Variants in CACNA2D3 observed in about 807,000 individuals in gnomAD.
CACNA2D3 encodes the protein voltage-dependent calcium channel subunit alpha-2/delta-3.
In CACNA2D3, 60 loss-of-function variants were observed where a neutral mutation model predicts 160.6. The ratio of observed to expected loss-of-function variants is 0.37; its 90% CI spans 0.30 to 0.46. CACNA2D3 has a LOEUF of 0.46. Among genes scored for constraint, CACNA2D3 ranks in the 20% least tolerant of loss-of-function variants. CACNA2D3 has a pLI of 1.00. For missense variants in CACNA2D3, 1,205 were observed against 1,365.0 expected, an observed-to-expected ratio of 0.88 and a Z score of 1.85; for synonymous variants, 558 against 492.9, an observed-to-expected ratio of 1.13 and a Z score of -1.75.
chr3:54,227,450 A>T (rs879503333), intron 2 of CACNA2D3, among the ~76,000 whole-genome samples: 4 of 152,068 alleles, frequency 2.6e-5, no homozygotes, highest in African/African-American at 9.7e-5. Flanking sequence ...AGTCTTTTAG[A>T]AGAGTAAAAT....
intron 9 of CACNA2D3, chr3:54,626,393 G>T (rs541291856): frequency 3.9e-5 from 62 of 1,571,174 alleles, no homozygotes; most frequent in Non-Finnish European, 5.3e-5. Context: ...AAGTGCCTGC[G>T]CAAGGCCAAG....
intron 31 of CACNA2D3, among the ~76,000 whole-genome samples, chr3:54,989,101 C>T (rs1427875897): frequency 6.6e-6 from 1 of 152,218 alleles, no homozygotes; most frequent in Non-Finnish European, 1.5e-5. Context: ...CTTTTCCTAT[C>T]TTTATGTGGA....
chr3:54,618,158 A>G (rs1322542236), intron 9 of CACNA2D3, among the ~76,000 whole-genome samples: 1 of 151,710 alleles, frequency 6.6e-6, no homozygotes, highest in Non-Finnish European at 1.5e-5. Context: ...GTCACTCTGC[A>G]TGGTATAAAT....
chr3:54,370,758 T>G (rs187699450), intron 3 of CACNA2D3, among the ~76,000 whole-genome samples: 90 of 150,818 alleles, frequency 6.0e-4, no homozygotes, highest in Middle Eastern at 3.4e-3. Flanking sequence ...ATTCAGTGGG[T>G]TTTTTTTTGT....
intron 16 of CACNA2D3, among the ~76,000 whole-genome samples, chr3:54,845,477 A>G (rs771169610): frequency 3.9e-5 from 6 of 152,216 alleles, no homozygotes; most frequent in Non-Finnish European, 8.8e-5. Context: ...TGCTCTGGCA[A>G]AACTGGGTTA....
chr3:54,643,211 A>T (rs1699562369), intron 11 of CACNA2D3, among the ~76,000 whole-genome samples: 1 of 152,186 alleles, frequency 6.6e-6, no homozygotes, highest in Admixed American at 6.5e-5. Flanking sequence ...AATTAAACAC[A>T]CTGGTAAAAA....
At chr3:54,644,842 A>G (rs930133015) in intron 11 of CACNA2D3, among the ~76,000 whole-genome samples, 3 of 152,202 alleles carry the variant, frequency 2.0e-5, no homozygotes, top group African/African-American at 7.2e-5. Context: ...AACTACTGCC[A>G]CAAGAAATAG....
intron 5 of CACNA2D3, among the ~76,000 whole-genome samples, chr3:54,506,163 T>G (rs1282152651): frequency 1.3e-5 from 2 of 151,950 alleles, no homozygotes; most frequent in Admixed American, 1.3e-4. Context: ...AAACAGCCCC[T>G]AACAGCCTTT....
intron 5 of CACNA2D3, among the ~76,000 whole-genome samples, chr3:54,550,814 T>G (rs1702144225): frequency 6.6e-6 from 1 of 152,170 alleles, no homozygotes. Context: ...GCTGGGACAG[T>G]GCAGAAGAGA....
At chr3:54,816,055 T>C (rs995137384) in intron 13 of CACNA2D3, among the ~76,000 whole-genome samples, 1 of 152,212 alleles carries the variant, frequency 6.6e-6, no homozygotes, top group Admixed American at 6.5e-5. Context: ...TTGATCTTTT[T>C]CCACATACCT....
At chr3:54,626,685 A>AG in intron 9 of CACNA2D3, 1 of 44,344 alleles carries the variant, frequency 2.3e-5, no homozygotes, top group East Asian at 5.4e-4. Context: ...GGTTCCAGTC[A>AG]AAAAAAAAAA....
intron 11 of CACNA2D3, among the ~76,000 whole-genome samples, chr3:54,687,995 A>G (rs761806838): frequency 1.1e-4 from 17 of 152,114 alleles, no homozygotes; most frequent in South Asian, 4.1e-4. Flanking sequence ...CTGTGAATCT[A>G]CTTGTCTTTG....
intron 17 of CACNA2D3, among the ~76,000 whole-genome samples, chr3:54,857,575 C>A (rs1227937846): frequency 2.0e-5 from 3 of 152,214 alleles, no homozygotes; most frequent in Non-Finnish European, 4.4e-5. Context: ...CATGCCTGCA[C>A]CCTGTTGGCT....
At chr3:54,743,461 A>G (rs1314210257) in intron 11 of CACNA2D3, among the ~76,000 whole-genome samples, 3 of 152,166 alleles carry the variant, frequency 2.0e-5, no homozygotes, top group Non-Finnish European at 4.4e-5. Flanking sequence ...CTTCCAGGGC[A>G]TCTTAGCTGT....
intron 11 of CACNA2D3, among the ~76,000 whole-genome samples, chr3:54,707,473 C>T (rs1042125108): frequency 5.9e-5 from 9 of 152,110 alleles, no homozygotes; most frequent in East Asian, 1.9e-4. Flanking sequence ...TCCCAGTACA[C>T]GAAAGGGATT....
chr3:54,698,391 G>C (rs758357719), intron 11 of CACNA2D3, among the ~76,000 whole-genome samples: 5 of 152,190 alleles, frequency 3.3e-5, no homozygotes, highest in Non-Finnish European at 5.9e-5. Flanking sequence ...GAGGGAAATG[G>C]AATACAGCTA....
intron 27 of CACNA2D3, among the ~76,000 whole-genome samples, chr3:54,936,574 G>A (rs1701335393): frequency 6.6e-6 from 1 of 152,088 alleles, no homozygotes; most frequent in Admixed American, 6.6e-5. Flanking sequence ...TTCCCCTTCT[G>A]GTGCAATAGT....
chr3:54,998,077 G>C (rs1472633652), intron 31 of CACNA2D3, among the ~76,000 whole-genome samples: 1 of 151,226 alleles, frequency 6.6e-6, no homozygotes, highest in Non-Finnish European at 1.5e-5. Flanking sequence ...TATAAAATAT[G>C]ACCATCAGAG....
intron 2 of CACNA2D3, among the ~76,000 whole-genome samples, chr3:54,161,087 G>C (rs1700335376): frequency 6.6e-6 from 1 of 152,138 alleles, no homozygotes. Context: ...TAGTAAGGGA[G>C]CAATATGTTC....
Sources: gnomAD v4.1 joint callset for allele counts (sites outside exome capture counted in the v4.1 genomes callset) on GRCh38, gnomAD v4.1.1 for gene constraint, MANE v1.5 for transcripts, NCBI Gene and HGNC (gene_info 2026-07-23, HGNC 2026-07-21) for gene names.